LRRC3B: variants seen among roughly 807,000 people sequenced by gnomAD.
LRRC3B encodes the protein leucine rich repeat containing 3B.
LRRC3B carries 2 observed loss-of-function variants against 12.8 expected under a neutral mutation model. The ratio of observed to expected loss-of-function variants is 0.16; its 90% CI spans 0.06 to 0.49. The LOEUF is 0.49. LRRC3B is among the 20% of genes least tolerant of loss of function. The probability of loss-of-function intolerance (pLI) is 0.96; values close to 1 mark genes in which losing one functional copy is unlikely to be tolerated. For missense variants in LRRC3B, 189 were observed against 319.4 expected, an observed-to-expected ratio of 0.59 and a Z score of 3.11; for synonymous variants, 132 against 122.0, an observed-to-expected ratio of 1.08 and a Z score of -0.54.
At chr3:26,675,388 C>T (rs1273637051) in intron 1 of LRRC3B, among the ~76,000 whole-genome samples, 2 of 152,220 alleles carry the variant, frequency 1.3e-5, no homozygotes, top group Non-Finnish European at 2.9e-5. Flanking sequence ...TTGCTACCTT[C>T]AGCCAGACAC....
intron 1 of LRRC3B, among the ~76,000 whole-genome samples, chr3:26,654,750 C>A (rs571561849): frequency 6.6e-6 from 1 of 152,120 alleles, no homozygotes; most frequent in Non-Finnish European, 1.5e-5. Context: ...CAGGCTGATG[C>A]AATCTTATAT....
At chr3:26,710,179 C>T (rs368774481) in exon 2 of LRRC3B, 10 of 1,613,784 alleles carry the variant, frequency 6.2e-6, no homozygotes, top group African/African-American at 2.7e-5. Flanking sequence ...CAGCCCACAA[C>T]GTGATCTGTA....
intron 1 of LRRC3B, chr3:26,625,178 C>T (rs374132840): frequency 6.6e-5 from 10 of 152,520 alleles, no homozygotes; most frequent in African/African-American, 2.4e-4. Context: ...CGCGGGTGCC[C>T]TACAGAGGAC....
chr3:26,629,533 T>G (rs1002284703), intron 1 of LRRC3B, among the ~76,000 whole-genome samples: 1 of 152,190 alleles, frequency 6.6e-6, no homozygotes, highest in African/African-American at 2.4e-5. Flanking sequence ...GACTAAGCAG[T>G]ATGCTTTCCC....
intron 1 of LRRC3B, among the ~76,000 whole-genome samples, chr3:26,698,123 G>A (rs898076777): frequency 6.6e-6 from 1 of 152,028 alleles, no homozygotes. Context: ...GATGATAGTG[G>A]TGGTGGTGGT....
At chr3:26,693,220 A>G (rs547470167) in intron 1 of LRRC3B, among the ~76,000 whole-genome samples, 3 of 145,252 alleles carry the variant, frequency 2.1e-5, no homozygotes, top group Admixed American at 2.0e-4. Context: ...TCCCAGCTAC[A>G]CAGGAGGCTG....
intron 1 of LRRC3B, among the ~76,000 whole-genome samples, chr3:26,652,274 G>A (rs536555015): frequency 6.6e-6 from 1 of 152,348 alleles, no homozygotes; most frequent in South Asian, 2.1e-4. Context: ...CTGAGACTGG[G>A]AGGGAAGGAC....
At chr3:26,622,926 C>G (rs564625085) in exon 1 of LRRC3B, 59 of 152,048 alleles carry the variant, frequency 3.9e-4, no homozygotes, top group African/African-American at 1.3e-3. Flanking sequence ...CGCAGCAACG[C>G]GAGCCAAGTC....
intron 1 of LRRC3B, among the ~76,000 whole-genome samples, chr3:26,645,269 A>T (rs1053152476): frequency 5.9e-5 from 9 of 152,198 alleles, no homozygotes; most frequent in Admixed American, 2.0e-4. Flanking sequence ...GAGCCTACTA[A>T]AGAGGATGTT....
intron 1 of LRRC3B, among the ~76,000 whole-genome samples, chr3:26,664,905 G>A (rs1699567688): frequency 6.6e-6 from 1 of 151,432 alleles, no homozygotes; most frequent in Non-Finnish European, 1.5e-5. Context: ...TTAATAAAAT[G>A]TAGTTTGATG....
intron 1 of LRRC3B, among the ~76,000 whole-genome samples, chr3:26,692,716 T>C (rs569061180): frequency 6.6e-6 from 1 of 152,364 alleles, no homozygotes; most frequent in South Asian, 2.1e-4. Context: ...ATATATTAAC[T>C]TATTTAATTG....
chr3:26,705,995 G>T (rs866384223), intron 1 of LRRC3B, among the ~76,000 whole-genome samples: 120 of 152,146 alleles, frequency 7.9e-4, no homozygotes, highest in African/African-American at 2.7e-3. Context: ...AAGTCTTTTT[G>T]CACTGCTAAA....
intron 1 of LRRC3B, among the ~76,000 whole-genome samples, chr3:26,704,342 A>G (rs1364730979): frequency 6.6e-6 from 1 of 152,124 alleles, no homozygotes; most frequent in Non-Finnish European, 1.5e-5. Context: ...TGCACCATCA[A>G]TCCTCTTATC....
At chr3:26,636,892 C>A (rs192283820) in intron 1 of LRRC3B, among the ~76,000 whole-genome samples, 1 of 94,302 alleles carries the variant, frequency 1.1e-5, no homozygotes, top group Non-Finnish European at 2.0e-5. Flanking sequence ...CTTCCTTTCT[C>A]TCTCTCTCTC....
intron 1 of LRRC3B, among the ~76,000 whole-genome samples, chr3:26,638,411 GA>G (rs370802105): frequency 3.3e-5 from 5 of 151,048 alleles, no homozygotes; most frequent in Admixed American, 6.6e-5. Flanking sequence ...AGGGTCAACG[GA>G]AAAAAAAATC....
intron 1 of LRRC3B, among the ~76,000 whole-genome samples, chr3:26,666,875 C>T (rs1162639624): frequency 6.6e-6 from 1 of 152,038 alleles, no homozygotes; most frequent in Non-Finnish European, 1.5e-5. Context: ...TGTGAAGAGT[C>T]AGGTATTTTG....
intron 1 of LRRC3B, among the ~76,000 whole-genome samples, chr3:26,654,005 A>AT (rs1699320006): frequency 6.6e-6 from 1 of 152,136 alleles, no homozygotes; most frequent in African/African-American, 2.4e-5. Context: ...AGCCTGTGTG[A>AT]TACATTTCCT....
intron 1 of LRRC3B, among the ~76,000 whole-genome samples, chr3:26,696,283 A>G (rs1322443741): frequency 6.6e-6 from 1 of 152,208 alleles, no homozygotes; most frequent in African/African-American, 2.4e-5. Context: ...GAAGAACAAA[A>G]TATTTGATGT....
intron 1 of LRRC3B, among the ~76,000 whole-genome samples, chr3:26,702,357 C>A (rs1325500865): frequency 1.3e-5 from 2 of 152,098 alleles, no homozygotes; most frequent in South Asian, 4.1e-4. Flanking sequence ...AGTTCATATC[C>A]TTGACTAAAG....
Sources: gnomAD v4.1 joint callset for allele counts (sites outside exome capture counted in the v4.1 genomes callset) on GRCh38, gnomAD v4.1.1 for gene constraint, MANE v1.5 for transcripts, NCBI Gene and HGNC (gene_info 2026-07-23, HGNC 2026-07-21) for gene names.